The following PID1 variants were observed in gnomAD, a reference collection of about 807,000 sequenced individuals.
The protein encoded by PID1 is phosphotyrosine interaction domain containing 1, also known as PTB-containing, cubilin and LRP1-interacting protein.
PID1 carries 10 observed loss-of-function variants against 19.1 expected under a neutral mutation model. The ratio of observed to expected loss-of-function variants is 0.52; its 90% CI spans 0.32 to 0.89. The LOEUF (loss-of-function observed/expected upper bound fraction) is 0.89. Among genes scored for constraint, PID1 ranks in the 40% least tolerant of loss-of-function variants. The pLI, the probability that PID1 is intolerant of heterozygous loss-of-function variation, is 0.03. For missense variants in PID1, 248 were observed against 285.3 expected (o/e 0.87, Z 0.94); for synonymous variants, 130 against 116.0 (o/e 1.12, Z -0.78).
intron 1 of PID1, among the ~76,000 whole-genome samples, chr2:229,161,616 T>C (rs908719866): frequency 6.6e-6 from 1 of 152,188 alleles, no homozygotes; most frequent in Admixed American, 6.5e-5. Flanking sequence ...TTGTACTTAT[T>C]TGAATAGACT....
intron 1 of PID1, among the ~76,000 whole-genome samples, chr2:229,259,332 C>T (rs1690395948): frequency 2.0e-5 from 3 of 152,074 alleles, no homozygotes; most frequent in Admixed American, 2.0e-4. Context: ...ATTCTTTTAT[C>T]CATATCTTTT....
intron 1 of PID1, among the ~76,000 whole-genome samples, chr2:229,159,032 G>A (rs767311364): frequency 2.1e-4 from 32 of 152,150 alleles, no homozygotes; most frequent in Non-Finnish European, 3.7e-4. Context: ...CAGCACAGCA[G>A]GGTGATTGTA....
At chr2:229,076,349 C>T (rs1694557089) in intron 2 of PID1, among the ~76,000 whole-genome samples, 1 of 152,008 alleles carries the variant, frequency 6.6e-6, no homozygotes, top group African/African-American at 2.4e-5. Flanking sequence ...ATGGACCATC[C>T]TGCTGCCCTT....
chr2:229,067,958 C>T (rs1404634159), intron 2 of PID1, among the ~76,000 whole-genome samples: 5 of 152,210 alleles, frequency 3.3e-5, no homozygotes, highest in Non-Finnish European at 7.3e-5. Context: ...CCAAAGCTTT[C>T]CTTGAAGTCT....
At chr2:229,052,771 GA>G (rs1694022357) in intron 2 of PID1, among the ~76,000 whole-genome samples, 1 of 152,016 alleles carries the variant, frequency 6.6e-6, no homozygotes, top group Non-Finnish European at 1.5e-5. Flanking sequence ...TTGACATGAG[GA>G]AAAAAGGTAT....
intron 2 of PID1, among the ~76,000 whole-genome samples, chr2:229,117,665 C>T (rs1024914533): frequency 2.6e-5 from 4 of 152,150 alleles, no homozygotes; most frequent in African/African-American, 9.7e-5. Context: ...CTCTTCCTAT[C>T]CCCTTTATGC....
chr2:229,243,544 T>C (rs1689928198), intron 1 of PID1, among the ~76,000 whole-genome samples: 1 of 152,158 alleles, frequency 6.6e-6, no homozygotes. Context: ...GTATAGTACC[T>C]GGCTCAGAGT....
At chr2:229,141,209 G>A (rs1265450452) in intron 2 of PID1, among the ~76,000 whole-genome samples, 2 of 152,032 alleles carry the variant, frequency 1.3e-5, no homozygotes, top group Non-Finnish European at 2.9e-5. Flanking sequence ...TAATCTTCAA[G>A]ACTAAGGTCC....
At chr2:229,215,390 G>A (rs545894924) in intron 1 of PID1, among the ~76,000 whole-genome samples, 1 of 152,312 alleles carries the variant, frequency 6.6e-6, no homozygotes, top group Non-Finnish European at 1.5e-5. Context: ...CACAACCTTT[G>A]TTAGTCAAAT....
intron 1 of PID1, among the ~76,000 whole-genome samples, chr2:229,202,158 G>A (rs1455824194): frequency 1.3e-5 from 2 of 151,918 alleles, no homozygotes; most frequent in East Asian, 1.9e-4. Context: ...AAAAGCACAC[G>A]TAATCCCTAA....
At chr2:229,241,817 C>A (rs1351129671) in intron 1 of PID1, among the ~76,000 whole-genome samples, 1 of 151,936 alleles carries the variant, frequency 6.6e-6, no homozygotes, top group African/African-American at 2.4e-5. Context: ...TACCTTTTTT[C>A]AAAACTCACA....
intron 2 of PID1, among the ~76,000 whole-genome samples, chr2:229,055,884 T>TTGAGTATAAACTCAAACTG (rs1195480058): frequency 6.6e-6 from 1 of 152,216 alleles, no homozygotes; most frequent in East Asian, 1.9e-4. Context: ...AATTCTAATC[T>TTGAGTATAAACTCAAACTG]TGTAAATCAA....
chr2:229,148,105 G>GT (rs1192814535), intron 2 of PID1, among the ~76,000 whole-genome samples: 30 of 152,154 alleles, frequency 2.0e-4, no homozygotes, highest in Admixed American at 2.0e-3. Context: ...TGAAACACCT[G>GT]TATCAGCTGG....
At chr2:229,227,661 G>C (rs997829485) in intron 1 of PID1, among the ~76,000 whole-genome samples, 3 of 152,202 alleles carry the variant, frequency 2.0e-5, no homozygotes, top group Admixed American at 6.5e-5. Flanking sequence ...CCCTCATAAG[G>C]GTACTGCACC....
chr2:229,032,995 A>C (rs967504891), intron 2 of PID1, among the ~76,000 whole-genome samples: 1 of 151,910 alleles, frequency 6.6e-6, no homozygotes, highest in African/African-American at 2.4e-5. Context: ...GTTTTCCAAC[A>C]CCCCAGCCAG....
At chr2:229,261,627 T>A (rs1473289845) in intron 1 of PID1, among the ~76,000 whole-genome samples, 1 of 152,246 alleles carries the variant, frequency 6.6e-6, no homozygotes. Context: ...CTAACAATTA[T>A]GCAGCTCCTT....
At chr2:229,035,649 G>A (rs1172204051) in intron 2 of PID1, among the ~76,000 whole-genome samples, 1 of 152,072 alleles carries the variant, frequency 6.6e-6, no homozygotes, top group Non-Finnish European at 1.5e-5. Context: ...GTGAGATGTA[G>A]AACCCAAGTC....
intron 2 of PID1, among the ~76,000 whole-genome samples, chr2:229,042,035 G>A: frequency 6.6e-6 from 1 of 152,112 alleles, no homozygotes; most frequent in South Asian, 2.1e-4. Context: ...TTGTATAAAT[G>A]TCAATTTTCT....
intron 2 of PID1, among the ~76,000 whole-genome samples, chr2:229,084,764 CTAACT>C (rs1396450092): frequency 5.3e-5 from 8 of 152,284 alleles, no homozygotes; most frequent in African/African-American, 1.9e-4. Flanking sequence ...GAAGCAAGCT[CTAACT>C]TAACATCACA....
Sources: allele counts gnomAD v4.1 joint callset (sites outside exome capture counted in the v4.1 genomes callset), GRCh38; gene constraint gnomAD v4.1.1; transcripts MANE v1.5; gene names NCBI Gene and HGNC (gene_info 2026-07-23, HGNC 2026-07-21).